Variants in RELB observed in about 807,000 individuals in gnomAD.
RELB encodes transcription factor RelB.
In RELB, 14 loss-of-function variants were observed where a neutral mutation model predicts 55.4. That is an observed-to-expected ratio of 0.25 (90% CI 0.17 to 0.40). RELB has a LOEUF of 0.40. RELB is among the 10% of genes least tolerant of loss of function. The probability of loss-of-function intolerance (pLI) is 1.00; values close to 1 mark genes in which losing one functional copy is unlikely to be tolerated. For missense variants in RELB, 669 were observed against 830.7 expected, an observed-to-expected ratio of 0.81 and a Z score of 2.39; for synonymous variants, 409 against 371.3, an observed-to-expected ratio of 1.10 and a Z score of -1.17.
chr19:45,011,791 TGTGTGTGAGAGAGAGAGA>T (rs1392053786), intron 3 of RELB, 127 bp from the exon 4 acceptor site: 4 of 267,402 alleles, frequency 1.5e-5, no homozygotes, highest in Middle Eastern at 8.5e-4. Flanking sequence ...TGTGTGTGTG[TGTGTGTGAGAGAGAGAGA>T]GAGAGAGAGA....
chr19:45,033,944 CAGG>C (rs1454164031), intron 9 of RELB, among the ~76,000 whole-genome samples: 1 of 151,540 alleles, frequency 6.6e-6, no homozygotes, highest in Non-Finnish European at 1.5e-5. Context: ...CACTTGAGGT[CAGG>C]AGTTCAAGAC....
intron 2 of RELB, among the ~76,000 whole-genome samples, chr19:45,005,572 C>T (rs908563315): frequency 3.9e-5 from 6 of 152,086 alleles, no homozygotes; most frequent in Admixed American, 1.3e-4. Context: ...ACAGACACTG[C>T]CCAAGCGGTG....
chr19:45,034,590 TG>T, intron 11 of RELB, 62 bp downstream of exon 11: 1 of 1,446,486 alleles, frequency 6.9e-7, no homozygotes, highest in Non-Finnish European at 9.5e-7. Flanking sequence ...GTGGCAGCCC[TG>T]CTTTTCTGGC....
chr19:45,021,190 A>T (rs1243861623), intron 4 of RELB, among the ~76,000 whole-genome samples: 1 of 151,754 alleles, frequency 6.6e-6, no homozygotes, highest in Non-Finnish European at 1.5e-5. Context: ...AAATTTAAAA[A>T]AGGCCAGGCA....
intron 4 of RELB, among the ~76,000 whole-genome samples, chr19:45,014,620 C>T (rs1210537428): frequency 2.6e-5 from 4 of 151,130 alleles, no homozygotes; most frequent in African/African-American, 7.3e-5. Context: ...TGGGTTCAAG[C>T]GATTCTCCTG....
In RELB at chr19:45,003,033, T is replaced by C. The variant is rs752642878; in HGVS notation, c.154+37T>C. ...TCCACAGTTCCTGCCCACTCGCTCA[T>C]GCAGGATGAGGTTGGGAGGACTCCA... On this transcript the variant is annotated intron_variant, in intron 2 of 11. Transcript: ENST00000221452. The C allele has an allele frequency of 2.6e-5, 41 of 1,599,118 alleles. No individual in the cohort carries two copies. In the East Asian group the frequency reaches 8.8e-4, roughly 34 times the overall value.
At chr19:45,031,353 G>A (rs769239828) in intron 8 of RELB, among the ~76,000 whole-genome samples, 2 of 151,880 alleles carry the variant, frequency 1.3e-5, no homozygotes, top group Admixed American at 6.6e-5. Context: ...TTGAACTCCT[G>A]GCCTCAAGTG....
chr19:45,035,644 G>A (rs1332588535), intron 11 of RELB, among the ~76,000 whole-genome samples: 4 of 152,064 alleles, frequency 2.6e-5, no homozygotes, highest in African/African-American at 9.7e-5. Context: ...TGGCCAACAT[G>A]GTGAAACTCC....
chr19:45,011,797 T>TGTGTGA (rs1322532535), intron 3 of RELB, 139 bp from the exon 4 acceptor site: 45 of 69,878 alleles, frequency 6.4e-4, no homozygotes, highest in South Asian at 1.6e-3. Context: ...TGTGTGTGTG[T>TGTGTGA]GAGAGAGAGA....
intron 10 of RELB, 66 bp downstream of exon 10, chr19:45,034,378 T>C: frequency 1.2e-6 from 2 of 1,604,022 alleles, no homozygotes; most frequent in African/African-American, 2.7e-5. Context: ...CTGACCCCAC[T>C]GCCCTGTCCC....
intron 4 of RELB, among the ~76,000 whole-genome samples, chr19:45,016,301 C>G (rs1333724286): frequency 3.3e-5 from 5 of 152,186 alleles, no homozygotes; most frequent in East Asian, 1.9e-4. Context: ...CCATATTTTA[C>G]ACCAAACTGT....
At chr19:45,002,732 A>G (rs1971229283) in intron 1 of RELB, among the ~76,000 whole-genome samples, 1 of 152,002 alleles carries the variant, frequency 6.6e-6, no homozygotes, top group African/African-American at 2.4e-5. Context: ...GCGGGCCCTG[A>G]GTGTGATGAA....
rs758464391 is a variant in RELB, at chr19:45,037,678, G to A, written c.1628G>A (p.Gly543Asp). Residue 543 changes from glycine (G) to aspartate (D), a missense_variant, in exon 12 of 12, where the codon GGC (glycine) becomes GAC (aspartate). By Grantham distance (94) the Gly-to-Asp change is moderately conservative (BLOSUM62 -1). Transcript: ENST00000221452. ...ACACTGGACTCGTACCAGGCCCCGG[G>A]CCCCGGGGATGGAGGCACCGCCAGC... ...PLTLDSYQAP[G>D]PGDGGTASLV... is the part of the protein sequence containing the mutation. 1.2e-5 allele frequency: 19 copies of A among 1,567,578 alleles called. No individual in the cohort carries two copies. Among genetic ancestry groups the A allele is most frequent in the Non-Finnish European group, 1.6e-5 (19 of 1,160,862 alleles).
intron 4 of RELB, among the ~76,000 whole-genome samples, chr19:45,021,523 G>GC (rs966674940): frequency 1.4e-5 from 2 of 147,334 alleles, no homozygotes; most frequent in African/African-American, 5.0e-5. Flanking sequence ...ATTATATGAG[G>GC]CCCCCCAGTT....
At chr19:45,023,566 T>C (rs1971517632) in intron 5 of RELB, among the ~76,000 whole-genome samples, 1 of 151,324 alleles carries the variant, frequency 6.6e-6, no homozygotes, top group South Asian at 2.1e-4. Flanking sequence ...GCCTCGCAAG[T>C]AGCTGGGACT....
chr19:45,029,013 A>C (rs1971590331), intron 8 of RELB, 21 bp downstream of exon 8: 2 of 1,544,108 alleles, frequency 1.3e-6, no homozygotes, highest in Non-Finnish European at 1.8e-6. Context: ...TGGGGCAGCA[A>C]GCTTGGGCAG....
chr19:45,014,694 C>T (rs1555725878), intron 4 of RELB, among the ~76,000 whole-genome samples: 4 of 146,894 alleles, frequency 2.7e-5, no homozygotes, highest in African/African-American at 1.0e-4. Context: ...ATATTTTGTA[C>T]TTTTAGTAGA....
intron 2 of RELB, among the ~76,000 whole-genome samples, chr19:45,005,364 T>G (rs1441358520): frequency 6.6e-6 from 1 of 152,164 alleles, no homozygotes; most frequent in Non-Finnish European, 1.5e-5. Context: ...TATGACATTT[T>G]TTCTTATATA....
intron 4 of RELB, among the ~76,000 whole-genome samples, chr19:45,017,450 A>AAAAACAAAAAAAAACAAAAAAAAAC (rs1971432961): frequency 3.5e-5 from 1 of 28,962 alleles, no homozygotes; most frequent in African/African-American, 1.1e-4. Context: ...GAATCTGTCT[A>AAAAACAAAAAAAAACAAAAAAAAAC]AAAAAAAAAA....
Sources: gnomAD v4.1 joint callset for allele counts (sites outside exome capture counted in the v4.1 genomes callset) on GRCh38, gnomAD v4.1.1 for gene constraint, MANE v1.5 for transcripts, NCBI Gene and HGNC (gene_info 2026-07-23, HGNC 2026-07-21) for gene names.